Variants in MAML2 observed in about 807,000 individuals in gnomAD.
The protein encoded by MAML2 is mastermind-like protein 2.
MAML2 carries 22 observed loss-of-function variants against 96.1 expected under a neutral mutation model. That is an observed-to-expected ratio of 0.23 (90% CI 0.16 to 0.33). The LOEUF is 0.33. Ranked by LOEUF, MAML2 falls within the 10% of genes least tolerant of loss-of-function variation. MAML2 has a pLI of 1.00. For synonymous variants in MAML2, 561 were observed against 521.3 expected (o/e 1.08, Z -1.04); for missense variants, 1,367 against 1,392.4 (o/e 0.98, Z 0.29).
At chr11:96,087,704 T>C (rs1429297206) in intron 2 of MAML2, among the ~76,000 whole-genome samples, 4 of 152,244 alleles carry the variant, frequency 2.6e-5, no homozygotes, top group Non-Finnish European at 4.4e-5. Context: ...GGCTTGGTTT[T>C]ACTTTGGCCC....
At chr11:96,002,914 G>C (rs111068680) in intron 2 of MAML2, among the ~76,000 whole-genome samples, 29,048 of 137,908 alleles carry the variant, frequency 0.21, 3,863 homozygotes, top group East Asian at 0.35. Context: ...TGAGAAAGAT[G>C]ATGGGGATAA....
chr11:96,182,531 G>A (rs1219062962), intron 1 of MAML2, among the ~76,000 whole-genome samples: 1 of 152,048 alleles, frequency 6.6e-6, no homozygotes, highest in African/African-American at 2.4e-5. Context: ...CAAAGGCAGG[G>A]TATTGCTACT....
intron 2 of MAML2, among the ~76,000 whole-genome samples, chr11:96,088,924 G>C (rs1168233076): frequency 6.6e-6 from 1 of 152,046 alleles, no homozygotes; most frequent in Non-Finnish European, 1.5e-5. Context: ...GAGGTGAACT[G>C]CAAGCAACTG....
intron 1 of MAML2, among the ~76,000 whole-genome samples, chr11:96,125,107 C>A (rs1860416665): frequency 6.6e-6 from 1 of 152,164 alleles, no homozygotes; most frequent in African/African-American, 2.4e-5. Context: ...GAAGAAAAGA[C>A]ATTGCTGGCT....
chr11:96,133,061 A>G (rs904717349), intron 1 of MAML2, among the ~76,000 whole-genome samples: 1 of 152,224 alleles, frequency 6.6e-6, no homozygotes, highest in Non-Finnish European at 1.5e-5. Context: ...TCTTCATTGC[A>G]TGATATCTAC....
chr11:96,214,680 T>C (rs189232521), intron 1 of MAML2, among the ~76,000 whole-genome samples: 2 of 152,328 alleles, frequency 1.3e-5, no homozygotes, highest in East Asian at 1.9e-4. Flanking sequence ...CACTTACTTC[T>C]AGGTCATTGG....
At chr11:95,992,042 C>T (rs1400110316) in intron 2 of MAML2, among the ~76,000 whole-genome samples, 1 of 152,190 alleles carries the variant, frequency 6.6e-6, no homozygotes, top group Non-Finnish European at 1.5e-5. Flanking sequence ...GCAAACCTCT[C>T]AATTTCTCAG....
intron 2 of MAML2, among the ~76,000 whole-genome samples, chr11:96,070,055 G>C (rs1003333116): frequency 1.3e-5 from 2 of 150,842 alleles, no homozygotes; most frequent in Non-Finnish European, 3.0e-5. Context: ...AAATAAGGAG[G>C]CCAAGGCAGG....
chr11:96,079,092 C>T (rs1323210302), intron 2 of MAML2, among the ~76,000 whole-genome samples: 4 of 152,158 alleles, frequency 2.6e-5, no homozygotes, highest in African/African-American at 9.7e-5. Flanking sequence ...GAGAGAAGGG[C>T]AAAACCACCA....
chr11:95,984,188 T>C (rs1044056467), intron 4 of MAML2, among the ~76,000 whole-genome samples: 1 of 152,238 alleles, frequency 6.6e-6, no homozygotes, highest in African/African-American at 2.4e-5. Context: ...TATAGGTTTG[T>C]AGCCTAGAAG....
chr11:96,188,881 C>T (rs1218137203), intron 1 of MAML2, among the ~76,000 whole-genome samples: 5 of 151,864 alleles, frequency 3.3e-5, no homozygotes, highest in Non-Finnish European at 7.4e-5. Context: ...CAGAGCACCA[C>T]CAAAGCTGCT....
intron 1 of MAML2, among the ~76,000 whole-genome samples, chr11:96,098,047 CAGAT>C (rs1859861824): frequency 6.6e-6 from 1 of 152,164 alleles, no homozygotes; most frequent in African/African-American, 2.4e-5. Flanking sequence ...GTGCTGGACA[CAGAT>C]AGCCCAGACA....
chr11:95,996,358 G>T (rs2135713758), intron 2 of MAML2, among the ~76,000 whole-genome samples: 1 of 152,254 alleles, frequency 6.6e-6, no homozygotes, highest in East Asian at 1.9e-4. Context: ...TGCATGCCAG[G>T]AAAATGTAAC....
At chr11:96,337,042 A>G (rs1863928255) in intron 1 of MAML2, among the ~76,000 whole-genome samples, 1 of 152,170 alleles carries the variant, frequency 6.6e-6, no homozygotes, top group African/African-American at 2.4e-5. Context: ...AAAGTATTAT[A>G]CTAACTCCTC....
chr11:96,133,027 T>G (rs1310772900), intron 1 of MAML2, among the ~76,000 whole-genome samples: 4 of 152,218 alleles, frequency 2.6e-5, no homozygotes, highest in Admixed American at 2.6e-4. Flanking sequence ...TTACATCTCA[T>G]TCAATAATAT....
chr11:96,288,752 T>C (rs1413188460), intron 1 of MAML2, among the ~76,000 whole-genome samples: 1 of 152,162 alleles, frequency 6.6e-6, no homozygotes, highest in Admixed American at 6.5e-5. Flanking sequence ...GTATTATACA[T>C]TTAAATTAAT....
chr11:96,015,408 G>C (rs1485038767), intron 2 of MAML2, among the ~76,000 whole-genome samples: 1 of 152,076 alleles, frequency 6.6e-6, no homozygotes, highest in African/African-American at 2.4e-5. Context: ...TTTTAATTGA[G>C]ATAATATGTG....
At chr11:96,165,333 T>C (rs530386861) in intron 1 of MAML2, among the ~76,000 whole-genome samples, 1 of 152,210 alleles carries the variant, frequency 6.6e-6, no homozygotes, top group Non-Finnish European at 1.5e-5. Flanking sequence ...CAGAGATCCA[T>C]AATTTGCATT....
chr11:96,236,165 T>A (rs1472796123), intron 1 of MAML2, among the ~76,000 whole-genome samples: 1 of 152,262 alleles, frequency 6.6e-6, no homozygotes, highest in Non-Finnish European at 1.5e-5. Flanking sequence ...TCTGTGCCAC[T>A]GGCATATGCA....
Sources: gnomAD v4.1 joint callset for allele counts (sites outside exome capture counted in the v4.1 genomes callset) on GRCh38, gnomAD v4.1.1 for gene constraint, MANE v1.5 for transcripts, NCBI Gene and HGNC (gene_info 2026-07-23, HGNC 2026-07-21) for gene names.